SLC15A5: variants seen among roughly 807,000 people sequenced by gnomAD.
SLC15A5 encodes the protein Peptide/histidine transporter ENSP00000340402.
In SLC15A5, 58 loss-of-function variants were observed where a neutral mutation model predicts 56.1. The observed-to-expected ratio is 1.03, with a 90% CI of 0.84 to 1.29. The LOEUF (loss-of-function observed/expected upper bound fraction) is 1.29, where lower values mean the gene tolerates loss of function less well. SLC15A5 is among the 50% of genes most tolerant of loss of function. The probability of loss-of-function intolerance (pLI) is 0.00; values close to 1 mark genes in which losing one functional copy is unlikely to be tolerated. For missense variants in SLC15A5, 681 were observed against 672.1 expected (o/e 1.01, Z -0.15); for synonymous variants, 264 against 250.5 (o/e 1.05, Z -0.51).
chr12:16,240,982 T>G (rs1252568957), intron 4 of SLC15A5, among the ~76,000 whole-genome samples: 3 of 151,874 alleles, frequency 2.0e-5, no homozygotes, highest in African/African-American at 7.3e-5. Flanking sequence ...CTGGCTAATT[T>G]TTCTGTATTT....
At chr12:16,273,905 A>G (rs1381265639) in intron 1 of SLC15A5, among the ~76,000 whole-genome samples, 1 of 149,276 alleles carries the variant, frequency 6.7e-6, no homozygotes, top group African/African-American at 2.4e-5. Flanking sequence ...CTTTTATAAA[A>G]TAAAATATTT....
chr12:16,211,932 G>T (rs994884635), intron 7 of SLC15A5, among the ~76,000 whole-genome samples: 3 of 152,144 alleles, frequency 2.0e-5, no homozygotes, highest in Non-Finnish European at 2.9e-5. Context: ...TGCTAAAAAT[G>T]ACTAATGCAG....
At chr12:16,265,692 G>A (rs144565391) in intron 2 of SLC15A5, among the ~76,000 whole-genome samples, 47 of 151,744 alleles carry the variant, frequency 3.1e-4, no homozygotes, top group African/African-American at 1.0e-3. Context: ...CATTTTGCCC[G>A]GGCTGGTCTT....
chr12:16,232,577 G>A (rs749538655), intron 5 of SLC15A5, among the ~76,000 whole-genome samples: 8 of 152,124 alleles, frequency 5.3e-5, no homozygotes, highest in East Asian at 1.9e-4. Flanking sequence ...AGAGCTTTCC[G>A]TTTAGGAAAA....
chr12:16,263,940 G>A (rs1864667610), intron 2 of SLC15A5, among the ~76,000 whole-genome samples: 1 of 152,240 alleles, frequency 6.6e-6, no homozygotes, highest in Non-Finnish European at 1.5e-5. Context: ...CAGGGGCAGA[G>A]CCCTCTTGGA....
Position 16,277,606 on chromosome 12 carries a change from T to C in SLC15A5, c.80A>G (p.His27Arg), listed in dbSNP as rs1467257418. Residue 27 changes from histidine (H) to arginine (R), a missense_variant, in exon 1 of 9, where the codon CAT becomes CGT. By Grantham distance (29) the His-to-Arg change is conservative. Transcript: ENST00000344941. ...GTGTGAGGAACACAAATCGCCAATA[T>C]GTCTTACAGTTTTCTCCTTCTCAAT... ...HSIEKEKTVR[H>R]IGDLCSSHSV... 7 of 1,536,326 alleles carry C rather than the reference T, an allele frequency of 4.6e-6. No homozygotes were observed. In the Admixed American group the frequency reaches 1.4e-4, roughly 30 times the overall value.
intron 3 of SLC15A5, among the ~76,000 whole-genome samples, chr12:16,248,785 T>C (rs1032091282): frequency 1.3e-5 from 2 of 152,064 alleles, no homozygotes; most frequent in Admixed American, 1.3e-4. Context: ...ATTACAGTTC[T>C]CAAATTGATT....
chr12:16,239,148 C>A (rs757138616), intron 5 of SLC15A5, among the ~76,000 whole-genome samples: 6 of 152,130 alleles, frequency 3.9e-5, no homozygotes, highest in Non-Finnish European at 8.8e-5. Flanking sequence ...AGAATATGAT[C>A]AGAATGGACT....
chr12:16,273,812 G>T (rs1864788598), intron 1 of SLC15A5, among the ~76,000 whole-genome samples: 1 of 146,262 alleles, frequency 6.8e-6, no homozygotes, highest in South Asian at 2.2e-4. Flanking sequence ...CAGAAAATTT[G>T]AAAAATAGAG....
chr12:16,256,858 C>CA (rs370679232), intron 3 of SLC15A5, among the ~76,000 whole-genome samples: 6,751 of 132,378 alleles, frequency 0.051, 263 homozygotes, highest in African/African-American at 0.088. Flanking sequence ...GGCTCCGTCT[C>CA]AAAAAAAAAA....
chr12:16,263,377 T>C (rs984306084), intron 2 of SLC15A5, among the ~76,000 whole-genome samples: 2 of 152,176 alleles, frequency 1.3e-5, no homozygotes, highest in African/African-American at 2.4e-5. Flanking sequence ...AAAAAATTTC[T>C]AAGCAGCAAA....
intron 2 of SLC15A5, among the ~76,000 whole-genome samples, chr12:16,266,881 A>C (rs1432801158): frequency 6.6e-6 from 1 of 152,162 alleles, no homozygotes; most frequent in Non-Finnish European, 1.5e-5. Context: ...ACTGCAAATA[A>C]TTGGGAGTAT....
At chr12:16,275,279 A>G (rs888433901) in intron 1 of SLC15A5, among the ~76,000 whole-genome samples, 9 of 152,086 alleles carry the variant, frequency 5.9e-5, no homozygotes, top group African/African-American at 2.2e-4. Context: ...AAGAGCATGT[A>G]CAAGATTAGA....
chr12:16,263,043 GA>G (rs1490438435), intron 2 of SLC15A5, among the ~76,000 whole-genome samples: 2 of 152,178 alleles, frequency 1.3e-5, no homozygotes, highest in African/African-American at 4.8e-5. Context: ...GGGCACTGCT[GA>G]AAAGATACCT....
chr12:16,272,956 A>C (rs1591663834), intron 1 of SLC15A5, among the ~76,000 whole-genome samples, 173 bp from the exon 2 acceptor site: 1 of 152,054 alleles, frequency 6.6e-6, no homozygotes, highest in South Asian at 2.1e-4. Context: ...CAATTGTAAA[A>C]ATTTCCTTCA....
At chr12:16,241,207 T>C (rs1864412134) in intron 4 of SLC15A5, among the ~76,000 whole-genome samples, 1 of 152,186 alleles carries the variant, frequency 6.6e-6, no homozygotes, top group Non-Finnish European at 1.5e-5. Context: ...CAAGTCTTCT[T>C]GAGGAATGGA....
At chr12:16,216,745 G>A (rs941761916) in intron 7 of SLC15A5, 148 bp downstream of exon 7, 2 of 671,028 alleles carry the variant, frequency 3.0e-6, no homozygotes, top group Non-Finnish European at 2.4e-6. Flanking sequence ...CAGCAAGAGT[G>A]TATTTCCTAT....
intron 6 of SLC15A5, among the ~76,000 whole-genome samples, chr12:16,220,380 A>G (rs1300519239): frequency 1.3e-5 from 2 of 152,192 alleles, no homozygotes; most frequent in Non-Finnish European, 2.9e-5. Context: ...CTATACATGT[A>G]GATCATCCTT....
At chr12:16,234,596 A>G (rs1864329428) in intron 5 of SLC15A5, among the ~76,000 whole-genome samples, 1 of 152,204 alleles carries the variant, frequency 6.6e-6, no homozygotes, top group African/African-American at 2.4e-5. Context: ...TACTTACAAG[A>G]TAAAGCACAA....
Sources: gnomAD v4.1 joint callset for allele counts (sites outside exome capture counted in the v4.1 genomes callset) on GRCh38, gnomAD v4.1.1 for gene constraint, MANE v1.5 for transcripts, NCBI Gene and HGNC (gene_info 2026-07-23, HGNC 2026-07-21) for gene names.